The following MCTP1 variants were observed in gnomAD, a reference collection of about 807,000 sequenced individuals.
MCTP1 encodes the protein multiple C2 and transmembrane domain containing 1, also known as multiple C2 and transmembrane domain-containing protein 1.
A neutral mutation model predicts 120.6 loss-of-function variants in MCTP1; 69 were observed. The observed-to-expected ratio is 0.57, with a 90% CI of 0.47 to 0.70. The LOEUF (loss-of-function observed/expected upper bound fraction) is 0.70, where lower values mean the gene tolerates loss of function less well. Among genes scored for constraint, MCTP1 ranks in the 30% least tolerant of loss-of-function variants. MCTP1 has a pLI of 0.00. For synonymous variants in MCTP1, 529 were observed against 493.1 expected, an observed-to-expected ratio of 1.07 and a Z score of -0.96; for missense variants, 1,203 against 1,248.8, an observed-to-expected ratio of 0.96 and a Z score of 0.55.
intron 1 of MCTP1, among the ~76,000 whole-genome samples, chr5:95,082,676 TC>T (rs1755075995): frequency 1.3e-5 from 2 of 152,322 alleles, no homozygotes; most frequent in Admixed American, 1.3e-4. Flanking sequence ...CAATATGTAA[TC>T]ATAATAAAAT....
chr5:94,729,586 A>G (rs924136998), intron 19 of MCTP1, among the ~76,000 whole-genome samples: 1 of 152,202 alleles, frequency 6.6e-6, no homozygotes, highest in African/African-American at 2.4e-5. Flanking sequence ...GTGATTTGCA[A>G]GAGAAGAGTA....
At chr5:94,908,575 A>G (rs1807581881) in intron 10 of MCTP1, among the ~76,000 whole-genome samples, 1 of 152,030 alleles carries the variant, frequency 6.6e-6, no homozygotes, top group East Asian at 1.9e-4. Context: ...ACTTTATTTC[A>G]ATATTGGCAG....
intron 1 of MCTP1, among the ~76,000 whole-genome samples, chr5:95,060,087 T>TG (rs1222860524): frequency 2.0e-5 from 3 of 152,190 alleles, no homozygotes; most frequent in Admixed American, 6.5e-5. Flanking sequence ...ATCCCAAGCC[T>TG]GGGGCTATTC....
intron 17 of MCTP1, among the ~76,000 whole-genome samples, chr5:94,839,724 G>C (rs1790586918): frequency 1.3e-5 from 2 of 152,128 alleles, no homozygotes; most frequent in African/African-American, 4.8e-5. Context: ...CCAAACGATG[G>C]ATTTGAAGCC....
intron 18 of MCTP1, among the ~76,000 whole-genome samples, chr5:94,786,555 C>A (rs2152967254): frequency 6.6e-6 from 1 of 152,278 alleles, no homozygotes; most frequent in African/African-American, 2.4e-5. Context: ...GTTCACGAAA[C>A]TTCACACAAA....
intron 1 of MCTP1, among the ~76,000 whole-genome samples, chr5:95,271,625 C>T (rs1050975153): frequency 6.6e-6 from 1 of 152,156 alleles, no homozygotes; most frequent in South Asian, 2.1e-4. Context: ...GATTAAGGGA[C>T]TAATTCAATG....
chr5:94,799,016 A>C lies in MCTP1; in HGVS notation c.2553T>G (p.Asp851Glu). Residue 851 changes from aspartate (D) to glutamate (E), a missense_variant, in exon 18 of 23, where the codon GAT becomes GAG. Asp to Glu is a conservative substitution (Grantham distance 45, BLOSUM62 2). Coordinates refer to ENST00000515393, the MANE Select transcript of MCTP1 (RefSeq NM_024717.7). ...AAGTAAGAGAGTAGAGACTTACTGTATCACGTTGCCTGTTATCTTTCCCTG... is the reference window on the plus strand; with the variant it reads ...AAGTAAGAGAGTAGAGACTTACTGTCTCACGTTGCCTGTTATCTTTCCCTG... ...IISGKDNRQR[D>E]TVVEDMLEDE... The C allele has an allele frequency of 6.2e-7, 1 of 1,610,988 alleles. No homozygotes were observed. Among genetic ancestry groups the C allele is most frequent in the Non-Finnish European group, 8.5e-7 (1 of 1,178,270 alleles).
At chr5:94,934,682 A>G (rs913532620) in intron 5 of MCTP1, among the ~76,000 whole-genome samples, 1 of 151,596 alleles carries the variant, frequency 6.6e-6, no homozygotes, top group Admixed American at 6.6e-5. Flanking sequence ...TATTTCTTCA[A>G]ATGTTGGCTG....
At chr5:94,918,410 A>G (rs917348934) in intron 7 of MCTP1, among the ~76,000 whole-genome samples, 12 of 152,358 alleles carry the variant, frequency 7.9e-5, no homozygotes, top group African/African-American at 2.4e-4. Flanking sequence ...AACTAAGATC[A>G]TATTAACCTT....
chr5:94,855,546 T>G (rs1794573680), intron 17 of MCTP1, among the ~76,000 whole-genome samples: 1 of 151,838 alleles, frequency 6.6e-6, no homozygotes, highest in Non-Finnish European at 1.5e-5. Flanking sequence ...GCCAGAGTTT[T>G]CAGCTCTGAA....
At chr5:94,961,090 T>A (rs899598635) in intron 2 of MCTP1, among the ~76,000 whole-genome samples, 1 of 151,826 alleles carries the variant, frequency 6.6e-6, no homozygotes, top group Non-Finnish European at 1.5e-5. Context: ...TACTATGCAG[T>A]CATAAAAAAG....
At chr5:94,950,810 T>C (rs999787340) in intron 3 of MCTP1, among the ~76,000 whole-genome samples, 5 of 151,758 alleles carry the variant, frequency 3.3e-5, no homozygotes, top group African/African-American at 1.2e-4. Context: ...AAAAATTAGC[T>C]GGGCAAGGTG....
chr5:94,991,514 T>C (rs1831542194), intron 2 of MCTP1, among the ~76,000 whole-genome samples: 1 of 152,232 alleles, frequency 6.6e-6, no homozygotes, highest in Non-Finnish European at 1.5e-5. Flanking sequence ...TTTGGAATTT[T>C]ATTTCAGTGA....
At chr5:95,112,465 T>C (rs1716792809) in intron 1 of MCTP1, among the ~76,000 whole-genome samples, 1 of 152,222 alleles carries the variant, frequency 6.6e-6, no homozygotes, top group Admixed American at 6.5e-5. Flanking sequence ...CTAAAAGCAA[T>C]AAATTATTGG....
intron 2 of MCTP1, among the ~76,000 whole-genome samples, chr5:94,974,921 C>G (rs1391327037): frequency 6.6e-6 from 1 of 152,142 alleles, no homozygotes; most frequent in African/African-American, 2.4e-5. Context: ...TAATACATTT[C>G]TTAGACTATT....
At chr5:95,156,725 T>G (rs1745165805) in intron 1 of MCTP1, among the ~76,000 whole-genome samples, 1 of 152,232 alleles carries the variant, frequency 6.6e-6, no homozygotes, top group African/African-American at 2.4e-5. Flanking sequence ...TCTGAACATT[T>G]ATTGTAAGTG....
intron 3 of MCTP1, among the ~76,000 whole-genome samples, chr5:94,948,416 A>G (rs1363220090): frequency 6.6e-6 from 1 of 152,170 alleles, no homozygotes; most frequent in African/African-American, 2.4e-5. Context: ...ACAATCCAAA[A>G]GCAAGTATAG....
chr5:94,840,080 G>A (rs1013184745), intron 17 of MCTP1, among the ~76,000 whole-genome samples: 55 of 152,180 alleles, frequency 3.6e-4, no homozygotes, highest in African/African-American at 1.2e-3. Context: ...ACAGAGCCCC[G>A]TCCTTTGAAT....
chr5:95,251,881 A>G lies in MCTP1; in HGVS notation c.720+31975T>C, dbSNP rs190746272. 1.2e-4 allele frequency among the ~76,000 whole-genome samples: 19 copies of G among 152,174 alleles called. No homozygotes were observed. The East Asian group carries it at 3.3e-3, about 26-fold the overall frequency. On this transcript the variant is annotated intron_variant, in intron 1 of 22. Coordinates refer to ENST00000515393, the MANE Select transcript of MCTP1 (RefSeq NM_024717.7). ...CAAAGAGATTCAGAAACTTACCCCAAATCACATATCTAGTAAGTGTTGAGT... is the reference window on the plus strand; with the variant it reads ...CAAAGAGATTCAGAAACTTACCCCAGATCACATATCTAGTAAGTGTTGAGT...
Sources: allele counts gnomAD v4.1 joint callset (sites outside exome capture counted in the v4.1 genomes callset), GRCh38; gene constraint gnomAD v4.1.1; transcripts MANE v1.5; gene names NCBI Gene and HGNC (gene_info 2026-07-23, HGNC 2026-07-21).